The following TTN variants were observed in gnomAD, a reference collection of about 807,000 sequenced individuals.
TTN encodes the protein titin.
A neutral mutation model predicts 3,223.0 loss-of-function variants in TTN; 1,525 were observed. The ratio of observed to expected loss-of-function variants is 0.47; its 90% CI spans 0.45 to 0.49. The LOEUF (loss-of-function observed/expected upper bound fraction) is 0.49, where lower values mean the gene tolerates loss of function less well. Ranked by LOEUF, TTN falls within the 20% of genes least tolerant of loss-of-function variation. TTN has a pLI of 0.00. For synonymous variants in TTN, 14,094 were observed against 15,161.0 expected (o/e 0.93, Z 5.17); for missense variants, 40,786 against 43,424.0 (o/e 0.94, Z 5.40).
rs1376561040 is a variant in TTN, at chr2:178,672,054, C to A, written c.35144G>T (p.Arg11715Ile). Reference sequence around the variant, plus strand: ...TATTACCCTATGAACTTTTTCAACTCTGTGTTCTTCTTCAACTCTATGTTG... The same window carrying A: ...TATTACCCTATGAACTTTTTCAACTATGTGTTCTTCTTCAACTCTATGTTG... ...LEQHRVEEEH[R>I]VEKVHRVIEV... is the part of the protein sequence containing the mutation. Residue 11715 changes from arginine to isoleucine, a missense_variant, in exon 155 of 363, where the codon AGA (arginine) becomes ATA (isoleucine). By Grantham distance (97) the Arg-to-Ile change is moderately conservative. Coordinates refer to ENST00000589042, the MANE Select transcript of TTN (RefSeq NM_001267550.2). The A allele has an allele frequency of 6.2e-7, 1 of 1,611,052 alleles. No individual in the cohort carries two copies. Among genetic ancestry groups the A allele is most frequent in the Non-Finnish European group, 8.5e-7 (1 of 1,178,866 alleles).
In TTN at chr2:178,735,554, A is replaced by G; in HGVS notation, c.14892T>C (p.Asn4964=). ...CTGAGCAGGAGCTGCTTCCAGCCTC[A>G]TTTGAAGCTGTACAGACATAGGTTC... The part of the protein sequence containing the change: ...DSGTYVCTAS[N]EAGSSSCSAT... Residue 4964 remains asparagine (N), a synonymous_variant, in exon 50 of 363, where the codon AAT becomes AAC. Coordinates refer to ENST00000589042, the MANE Select transcript of TTN (RefSeq NM_001267550.2). 1 of 1,605,584 alleles carries G rather than the reference A, an allele frequency of 6.2e-7. No individual in the cohort carries two copies. The highest frequency in any genetic ancestry group is 8.5e-7 in the Non-Finnish European group (1 of 1,177,118).
In TTN at chr2:178,533,821, T is replaced by TAGAG; in HGVS notation, c.102790_102793dup (p.Tyr34265SerfsTer3). On this transcript the variant is annotated frameshift_variant, in exon 358 of 363. Coordinates refer to ENST00000589042, the MANE Select transcript of TTN (RefSeq NM_001267550.2). LOFTEE classifies it high-confidence loss of function. ...TTCACCTACATAAGCTGTCTTATTATAGAGAGGCAGGGTAAATTCTGGTGG... is the reference window on the plus strand; with the variant it reads ...TTCACCTACATAAGCTGTCTTATTATAGAGAGAGAGGCAGGGTAAATTCTGGTGG... 6.2e-7 allele frequency: 1 copy of TAGAG among 1,614,002 alleles called. No individual in the cohort carries two copies. Among genetic ancestry groups the TAGAG allele is most frequent in the Non-Finnish European group, 8.5e-7 (1 of 1,179,872 alleles).
rs1559382837 is a variant in TTN at position 178,569,669 on chromosome 2, C to T, written c.76463G>A (p.Gly25488Glu). ...NFRICAINKA[G>E]VGEHADVPGP... is the part of the protein sequence containing the mutation. The stretch of plus-strand genomic sequence containing the variant: ...AGGGACGTCAGCATGTTCTCCAACT[C>T]CAGCTTTATTAATAGCACAGATACG... Residue 25488 changes from glycine (G) to glutamate (E), a missense_variant, in exon 326 of 363, where the codon GGA becomes GAA. Physicochemically the swap from Gly to Glu is moderately conservative, Grantham distance 98. Transcript: ENST00000589042. The T allele has an allele frequency of 6.2e-7, 1 of 1,612,704 alleles. No individual in the cohort carries two copies.
chr2:178,561,780 G>A lies in TTN; in HGVS notation c.84352C>T (p.Arg28118Cys), dbSNP rs56057221. The change falls in exon 326 of 363, where the codon CGC (arginine) becomes TGC (cysteine). Residue 28118 changes from arginine (R) to cysteine (C), a missense_variant. Coordinates refer to ENST00000589042, the MANE Select transcript of TTN (RefSeq NM_001267550.2). ...TGATACTCACTTCCTGTTGTCAGGC[G>A]AACTATTTTAATGGATGTTCTTGCA... ...AVARTSIKIV[R>C]LTTGSEYQFR... 3.4e-3 allele frequency: 5,511 copies of A among 1,613,562 alleles called. 179 individuals are homozygous for A. In the African/African-American group the frequency reaches 0.065, roughly 19 times the overall value.
In TTN at chr2:178,543,626, T is replaced by C; in HGVS notation, c.96347A>G (p.Glu32116Gly). The change falls in exon 347 of 363, where the codon GAA becomes GGA. Residue 32116 changes from glutamate (E) to glycine (G), a missense_variant. By Grantham distance (98) the Glu-to-Gly change is moderately conservative (BLOSUM62 -2). Coordinates refer to ENST00000589042, the MANE Select transcript of TTN (RefSeq NM_001267550.2). ...PGPCPSVKVK[E>G]VSRDSVTITW... ...TATAGTCACAGAATCTCTTGATACT[T>C]CCTTAACTTTCACTGAAGGACAGGG... The C allele has an allele frequency of 6.2e-7, 1 of 1,600,426 alleles. No individual in the cohort carries two copies. Among genetic ancestry groups the C allele is most frequent in the Non-Finnish European group, 8.5e-7 (1 of 1,177,452 alleles).
Position 178,732,593 on chromosome 2 carries a change from G to C in TTN, c.16468C>G (p.Leu5490Val). ...ATATAGCAGCTTCCACCAGAAACCA[G>C]CTCTTTGTTGCCCTTAAACCATCTG... ...TIRWFKGNKELVSGGSCYITK... is the reference protein window; with the variant it reads ...TIRWFKGNKEVVSGGSCYITK... The change falls in exon 56 of 363, where the codon CTG (leucine) becomes GTG (valine). Residue 5490 changes from leucine (L) to valine (V), a missense_variant. Leu to Val is a conservative substitution (Grantham distance 32). Coordinates refer to ENST00000589042, the MANE Select transcript of TTN (RefSeq NM_001267550.2). The C allele has an allele frequency of 6.2e-7, 1 of 1,613,670 alleles. No individual in the cohort carries two copies. The highest frequency in any genetic ancestry group is 8.5e-7 in the Non-Finnish European group (1 of 1,179,738).
chr2:178,607,701 A>C lies in TTN; in HGVS notation c.53003-16T>G, dbSNP rs768945124. The C allele has an allele frequency of 6.2e-7, 1 of 1,612,630 alleles. No homozygotes were observed. The highest frequency in any genetic ancestry group is 1.1e-5 in the South Asian group (1 of 91,018). On this transcript the variant is annotated splice_polypyrimidine_tract_variant and intron_variant, in intron 276 of 362. Transcript: ENST00000589042. The stretch of plus-strand genomic sequence containing the variant: ...GCTGGAGGCTCTGTTGAAAGAGAAC[A>C]GTCATGCATTAGCCCATGAAAGATT...
chr2:178,743,214 G>A (rs533562497), intron 47 of TTN, among the ~76,000 whole-genome samples: 35 of 152,082 alleles, frequency 2.3e-4, no homozygotes, highest in Non-Finnish European at 4.1e-4. Context: ...AAAAAGGATA[G>A]TAAATGAAAT....
intron 47 of TTN, chr2:178,751,243 A>G (rs747800627): frequency 6.2e-7 from 1 of 1,608,102 alleles, no homozygotes; most frequent in Non-Finnish European, 8.5e-7. Flanking sequence ...TATCTAAAAG[A>G]GATAATTTCT....
At chr2:178,610,708 A>T (rs2056128954) in intron 270 of TTN, among the ~76,000 whole-genome samples, 1 of 151,990 alleles carries the variant, frequency 6.6e-6, no homozygotes, top group South Asian at 2.1e-4. Flanking sequence ...GCAATTAAAA[A>T]ATTGTGGTCA....
In TTN at chr2:178,573,723, A is replaced by G; in HGVS notation, c.72409T>C (p.Ser24137Pro). Residue 24137 changes from serine to proline, a missense_variant, in exon 326 of 363, where the codon TCA (serine) becomes CCA (proline). Coordinates refer to ENST00000589042, the MANE Select transcript of TTN (RefSeq NM_001267550.2). Reference protein sequence around the residue: ...EGPLAVTEVTSEKCVLSWFPP... With the variant: ...EGPLAVTEVTPEKCVLSWFPP... ...AACCATGATAGTACACACTTTTCTG[A>G]TGTCACTTCAGTTACAGCCAAAGGT... 1.3e-6 allele frequency: 2 copies of G among 1,550,810 alleles called. No individual in the cohort carries two copies. The highest frequency in any genetic ancestry group is 2.0e-5 in the Admixed American group (1 of 50,248).
At chr2:178,800,820 G>T (rs1332395363) in intron 3 of TTN, 138 bp from the exon 4 acceptor site, 5 of 916,032 alleles carry the variant, frequency 5.5e-6, no homozygotes, top group Middle Eastern at 3.5e-4. Flanking sequence ...CTTGAACCCA[G>T]CTCACCCAGC....
intron 180 of TTN, among the ~76,000 whole-genome samples, 155 bp from the exon 181 acceptor site, chr2:178,659,410 A>G (rs1283016363): frequency 2.8e-5 from 4 of 141,646 alleles, no homozygotes; most frequent in African/African-American, 1.0e-4. Flanking sequence ...AATAAACGTA[A>G]TCCATCATAT....
At chr2:178,746,633 T>C (rs2083642513) in intron 47 of TTN, 3 of 1,613,320 alleles carry the variant, frequency 1.9e-6, no homozygotes, top group Non-Finnish European at 2.5e-6. Flanking sequence ...GTTTACAGCA[T>C]GACACATGTA....
At chr2:178,627,486 G>A (rs1208396200) in intron 240 of TTN, among the ~76,000 whole-genome samples, 1 of 151,936 alleles carries the variant, frequency 6.6e-6, no homozygotes, top group Non-Finnish European at 1.5e-5. Context: ...TTATATTTAA[G>A]TTCTTTTTGA....
At chr2:178,672,545 CA>C in intron 153 of TTN, 64 bp from the exon 154 acceptor site, 1 of 1,599,570 alleles carries the variant, frequency 6.3e-7, no homozygotes, top group Non-Finnish European at 8.6e-7. Flanking sequence ...CAAAAATCAT[CA>C]AAAACAATCA....
chr2:178,746,798 C>G (rs794729596), intron 47 of TTN: 1 of 1,613,356 alleles, frequency 6.2e-7, no homozygotes, highest in South Asian at 1.1e-5. Context: ...AACAATGAAG[C>G]CTAGTGTTGT....
intron 6 of TTN, among the ~76,000 whole-genome samples, chr2:178,797,177 A>G (rs1472812546): frequency 6.6e-6 from 1 of 152,164 alleles, no homozygotes; most frequent in Non-Finnish European, 1.5e-5. Context: ...TCTCCTCAAG[A>G]AATTGCATTT....
rs776631517 is a variant in TTN, at chr2:178,630,795, T to C, written c.44154+9A>G. ...CTTTAGGTGTTGACAAGTTCAGAAA[T>C]AGCCTTACAGGTGTTTGGAGTAGGG... On this transcript the variant is annotated intron_variant, in intron 238 of 362. Coordinates refer to ENST00000589042, the MANE Select transcript of TTN (RefSeq NM_001267550.2). 9 of 1,607,354 alleles carry C rather than the reference T, an allele frequency of 5.6e-6. No individual in the cohort carries two copies. The South Asian group carries it at 8.9e-5, about 16-fold the overall frequency.
Sources: allele counts gnomAD v4.1 joint callset (sites outside exome capture counted in the v4.1 genomes callset), GRCh38; gene constraint gnomAD v4.1.1; transcripts MANE v1.5; gene names NCBI Gene and HGNC (gene_info 2026-07-23, HGNC 2026-07-21).